The following RBM12 variants were observed in gnomAD, a reference collection of about 807,000 sequenced individuals.
RBM12 encodes the protein RNA binding motif protein 12, also known as RNA-binding protein 12.
A neutral mutation model predicts 37.2 loss-of-function variants in RBM12; 24 were observed. The observed-to-expected ratio is 0.65, with a 90% CI of 0.47 to 0.91. RBM12 has a LOEUF of 0.91. Ranked by LOEUF, RBM12 falls within the 40% of genes least tolerant of loss-of-function variation. The pLI, the probability that RBM12 is intolerant of heterozygous loss-of-function variation, is 0.00. For synonymous variants in RBM12, 420 were observed against 425.2 expected (o/e 0.99, Z 0.15); for missense variants, 1,061 against 1,183.2 (o/e 0.90, Z 1.52).
At position 35,654,749 on chromosome 20, in the gene RBM12, G is replaced by T; in HGVS notation, c.574C>A (p.Pro192Thr). 6.2e-7 allele frequency: 1 copy of T among 1,613,820 alleles called. No homozygotes were observed. The highest frequency in any genetic ancestry group is 8.5e-7 in the Non-Finnish European group (1 of 1,179,698). The change falls in exon 3 of 3, where the codon CCA becomes ACA. Residue 192 changes from proline to threonine, a missense_variant. This residue lies in a region of RBM12 where 540 missense variants were observed against 632.7 expected (regional missense o/e 0.85). Coordinates refer to ENST00000374114, the MANE Select transcript of RBM12 (RefSeq NM_006047.6). ...GGCAGAGATGGCATCGCTGGAATTG[G>T]AGGAATTGGTGGCGGCGGGACTGTG... ...MNTVPPPPIP[P>T]IPAMPSLPPM... is the part of the protein sequence containing the mutation.
intron 2 of RBM12, among the ~76,000 whole-genome samples, chr20:35,657,385 T>G (rs2033960637): frequency 6.6e-6 from 1 of 152,206 alleles, no homozygotes; most frequent in African/African-American, 2.4e-5. Context: ...TGTGATAGCA[T>G]TTCCTGTTCA....
intron 2 of RBM12, among the ~76,000 whole-genome samples, chr20:35,658,168 T>G (rs1216369028): frequency 2.0e-5 from 3 of 152,222 alleles, no homozygotes; most frequent in Non-Finnish European, 2.9e-5. Context: ...TGGGCCTATC[T>G]TAGTTACTTA....
At chr20:35,656,685 C>T (rs1227732139) in intron 2 of RBM12, among the ~76,000 whole-genome samples, 2 of 152,174 alleles carry the variant, frequency 1.3e-5, no homozygotes, top group African/African-American at 4.8e-5. Flanking sequence ...CAGGCATGCG[C>T]CACCATGCCT....
intron 1 of RBM12, among the ~76,000 whole-genome samples, chr20:35,660,565 C>T (rs1226535528): frequency 6.6e-6 from 1 of 152,092 alleles, no homozygotes; most frequent in African/African-American, 2.4e-5. Flanking sequence ...ATTTGAAAGC[C>T]ATATCTAGTA....
intron 1 of RBM12, among the ~76,000 whole-genome samples, chr20:35,664,208 T>C (rs1368210920): frequency 6.6e-6 from 1 of 152,186 alleles, no homozygotes; most frequent in Non-Finnish European, 1.5e-5. Flanking sequence ...AGGCGGCCGG[T>C]TGTGACACTT....
Position 35,654,098 on chromosome 20 carries a change from G to A in RBM12, c.1225C>T (p.Pro409Ser), listed in dbSNP as rs747373238. ...TGCCCACTGGGCGATTTTGACCTGGGAAGTGTCTGAGGAGGGGGATGAGTT... is the reference window on the plus strand; with the variant it reads ...TGCCCACTGGGCGATTTTGACCTGGAAAGTGTCTGAGGAGGGGGATGAGTT... ...GQTHPPPQTL[P>S]RSKSPSGQKR... The change falls in exon 3 of 3, where the codon CCC becomes TCC. Residue 409 changes from proline (P) to serine (S), a missense_variant. Pro to Ser is a moderately conservative substitution (Grantham distance 74). Transcript: ENST00000374114. The A allele has an allele frequency of 6.2e-7, 1 of 1,614,088 alleles. No individual in the cohort carries two copies. The highest frequency in any genetic ancestry group is 8.5e-7 in the Non-Finnish European group (1 of 1,180,048).
chr20:35,653,260 G>C lies in RBM12; in HGVS notation c.2063C>G (p.Pro688Arg). 1 of 1,613,290 alleles carries C rather than the reference G, an allele frequency of 6.2e-7. No homozygotes were observed. The highest frequency in any genetic ancestry group is 1.1e-5 in the South Asian group (1 of 91,052). Residue 688 changes from proline (P) to arginine (R), a missense_variant, in exon 3 of 3, where the codon CCT (proline) becomes CGT (arginine). Coordinates refer to ENST00000374114, the MANE Select transcript of RBM12 (RefSeq NM_006047.6). ...PGSAITSAGL[P>R]GAGMPSAGIP... is the part of the protein sequence containing the mutation. The stretch of plus-strand genomic sequence containing the variant: ...TCCTGCACTGGGCATTCCCGCACCA[G>C]GCAGTCCTGCACTGGTTATTGCTGA...
rs2033672496 is a variant in RBM12 at position 35,653,345 on chromosome 20, C to T, written c.1978G>A (p.Val660Met). The T allele has an allele frequency of 1.2e-6, 2 of 1,613,940 alleles. No individual in the cohort carries two copies. Among genetic ancestry groups the T allele is most frequent in the Non-Finnish European group, 1.7e-6 (2 of 1,179,880 alleles). ...GGAAGTCCTGCACTGGGCAGTCCCA[C>T]ACCGGGCAGTCCCGCATTGGGCATT... Reference protein sequence around the residue: ...PGMPNAGLPGVGLPSAGLPGA... With the variant: ...PGMPNAGLPGMGLPSAGLPGA... Residue 660 changes from valine to methionine, a missense_variant, in exon 3 of 3, where the codon GTG (valine) becomes ATG (methionine). Transcript: ENST00000374114.
intron 2 of RBM12, among the ~76,000 whole-genome samples, chr20:35,655,832 AATCC>A (rs2146357474): frequency 6.6e-6 from 1 of 152,344 alleles, no homozygotes; most frequent in South Asian, 2.1e-4. Flanking sequence ...TCAGTCTCAA[AATCC>A]ATCCAACAGA....
chr20:35,649,302 C>T lies in RBM12; in HGVS notation c.*3222G>A, dbSNP rs8050. On this transcript the variant is annotated 3_prime_UTR_variant, in exon 3 of 3. Transcript: ENST00000374114. ...ACACTTGGCCCATACCTGTACACAA[C>T]CACAGACTCCAGTAAAAGGGAGCTG... The T allele has an allele frequency of 1.3e-5, 2 of 152,154 alleles. No homozygotes were observed. Among genetic ancestry groups the T allele is most frequent in the South Asian group, 4.1e-4 (2 of 4,828 alleles). The allele number at this position is 152,154 out of a possible 1,614,324, so 9.4% of individuals were successfully genotyped here.
chr20:35,663,104 C>T (rs1056361928), intron 1 of RBM12, among the ~76,000 whole-genome samples: 3 of 152,136 alleles, frequency 2.0e-5, no homozygotes, highest in East Asian at 1.9e-4. Flanking sequence ...ATTACCATAA[C>T]GTTATTTGAA....
chr20:35,661,006 C>A (rs974069279), intron 1 of RBM12, among the ~76,000 whole-genome samples: 1 of 152,220 alleles, frequency 6.6e-6, no homozygotes, highest in East Asian at 1.9e-4. Context: ...AAAGGCCCAG[C>A]TGAATTTGAC....
In RBM12 at chr20:35,652,604, G is replaced by A. The variant is rs771201211; in HGVS notation, c.2719C>T (p.Arg907Trp). 1.2e-6 allele frequency: 2 copies of A among 1,614,134 alleles called. No individual in the cohort carries two copies. The highest frequency in any genetic ancestry group is 1.7e-6 in the Non-Finnish European group (2 of 1,179,998). Residue 907 changes from arginine to tryptophan, a missense_variant, in exon 3 of 3, where the codon CGG (arginine) becomes TGG (tryptophan). Physicochemically the swap from Arg to Trp is moderately radical, Grantham distance 101 (BLOSUM62 -3). Transcript: ENST00000374114. ...ATGACAGCAGCTGTGGCTTCATCCC[G>A]AGACTCAAAGGCCACCATGGCTTCA... ...TGEAMVAFES[R>W]DEATAAVIDL...
Position 35,652,833 on chromosome 20 carries a change from G to GCCGGGT in RBM12, c.2489_2490insACCCGG (p.Gly836_Pro837dup). The GCCGGGT allele has an allele frequency of 6.2e-7, 1 of 1,606,670 alleles. No individual in the cohort carries two copies. Among genetic ancestry groups the GCCGGGT allele is most frequent in the Non-Finnish European group, 8.5e-7 (1 of 1,176,350 alleles). On this transcript the variant is annotated inframe_insertion, in exon 3 of 3. Transcript: ENST00000374114. ...GGATTGGGCCAGGGCCGGGGCCGGG[G>GCCGGGT]CCGGGGCCAGGCCCAAAAGCTGGTG...
chr20:35,653,226 A>G lies in RBM12; in HGVS notation c.2097T>C (p.Ser699=). 6.2e-7 allele frequency: 1 copy of G among 1,613,566 alleles called. No individual in the cohort carries two copies. The highest frequency in any genetic ancestry group is 8.5e-7 in the Non-Finnish European group (1 of 1,179,948). Reference sequence around the variant, plus strand: ...GGAAGGCATGCTCTTCACCTCCTGCACTAGGTATTCCTGCACTGGGCATTC... The same window carrying G: ...GGAAGGCATGCTCTTCACCTCCTGCGCTAGGTATTCCTGCACTGGGCATTC... The part of the protein sequence containing the change: ...GAGMPSAGIP[S]AGGEEHAFLT... Residue 699 remains serine, a synonymous_variant, in exon 3 of 3, where the codon AGT becomes AGC. Transcript: ENST00000374114.
chr20:35,659,432 T>C (rs1238077916), intron 1 of RBM12, among the ~76,000 whole-genome samples: 1 of 152,152 alleles, frequency 6.6e-6, no homozygotes, highest in African/African-American at 2.4e-5. Context: ...CAATAACAAT[T>C]CTTGGACAAC....
Position 35,649,041 on chromosome 20 carries a change from T to G in RBM12, c.*3483A>C, listed in dbSNP as rs1226123349. On this transcript the variant is annotated 3_prime_UTR_variant, in exon 3 of 3. Transcript: ENST00000374114. ...TCTGCTGAGTGATGCCAAGGCAGTA[T>G]TTGCTGGCAATGTTGTGGCCATATT... 1 of 152,684 alleles carries G rather than the reference T, an allele frequency of 6.5e-6. No individual in the cohort carries two copies. The highest frequency in any genetic ancestry group is 1.5e-5 in the Non-Finnish European group (1 of 68,040). The allele number at this position is 152,684 out of a possible 1,614,324, so 9.5% of individuals were successfully genotyped here.
chr20:35,656,334 C>T (rs2033894989), intron 2 of RBM12, among the ~76,000 whole-genome samples: 1 of 152,172 alleles, frequency 6.6e-6, no homozygotes, highest in East Asian at 1.9e-4. Context: ...TTAGATCATG[C>T]CTGTTTTGAC....
intron 2 of RBM12, among the ~76,000 whole-genome samples, chr20:35,656,303 T>C (rs1441726716): frequency 6.6e-6 from 1 of 152,206 alleles, no homozygotes; most frequent in East Asian, 1.9e-4. Flanking sequence ...ACACAACTCC[T>C]ACAGGATCTC....
Sources: gnomAD v4.1 joint callset for allele counts (sites outside exome capture counted in the v4.1 genomes callset) on GRCh38, gnomAD v4.1.1 for gene constraint, gnomAD v4.1.1 regional missense constraint, MANE v1.5 for transcripts, NCBI Gene and HGNC (gene_info 2026-07-23, HGNC 2026-07-21) for gene names.